KCNJ6: variants seen among roughly 807,000 people sequenced by gnomAD.
The protein encoded by KCNJ6 is G protein-activated inward rectifier potassium channel 2.
Under a neutral mutation model 34.2 loss-of-function variants are expected in KCNJ6, and 9 were observed. The ratio of observed to expected loss-of-function variants is 0.26; its 90% confidence interval spans 0.16 to 0.46. KCNJ6 has a LOEUF of 0.46. Among genes scored for constraint, KCNJ6 ranks in the 20% least tolerant of loss-of-function variants. The pLI is 1.00. For missense variants in KCNJ6, 236 were observed against 531.3 expected, an observed-to-expected ratio of 0.44 and a Z score of 5.46; for synonymous variants, 196 against 207.1, an observed-to-expected ratio of 0.95 and a Z score of 0.46.
intron 1 of KCNJ6, among the ~76,000 whole-genome samples, chr21:37,876,395 C>T (rs747343307): frequency 1.3e-5 from 2 of 152,158 alleles, no homozygotes; most frequent in African/African-American, 2.4e-5. Context: ...CTAGAGAAGC[C>T]GTCCTCAAAG....
intron 1 of KCNJ6, among the ~76,000 whole-genome samples, chr21:37,902,021 A>T (rs7280906): frequency 1.3e-5 from 2 of 152,228 alleles, no homozygotes; most frequent in African/African-American, 4.8e-5. Flanking sequence ...AATAGAGCTC[A>T]GTGTCTGTCA....
intron 2 of KCNJ6, among the ~76,000 whole-genome samples, chr21:37,828,778 C>T (rs950630409): frequency 2.0e-5 from 3 of 152,184 alleles, no homozygotes; most frequent in African/African-American, 4.8e-5. Flanking sequence ...TGAGGCTCAG[C>T]GCTTCCTAAA....
chr21:37,843,618 G>T (rs1422407567), intron 1 of KCNJ6, among the ~76,000 whole-genome samples: 1 of 152,158 alleles, frequency 6.6e-6, no homozygotes, highest in East Asian at 1.9e-4. Context: ...CAAATTTCCT[G>T]GTTGTTGGAT....
At chr21:37,743,059 C>T (rs986852480) in intron 2 of KCNJ6, among the ~76,000 whole-genome samples, 1 of 152,168 alleles carries the variant, frequency 6.6e-6, no homozygotes, top group Non-Finnish European at 1.5e-5. Context: ...CAGAGAGCTC[C>T]CAATATGTTT....
Position 37,735,757 on chromosome 21 carries a change from C to T in KCNJ6, c.26-20626G>A, listed in dbSNP as rs1287950299. Among the ~76,000 whole-genome samples, 6 of 152,192 alleles carry T rather than the reference C, an allele frequency of 3.9e-5. No homozygotes were observed. In the East Asian group the frequency reaches 5.8e-4, roughly 15 times the overall value. On this transcript the variant is annotated intron_variant, in intron 2 of 3. Transcript: ENST00000609713. ...CTCTGAATGAGGCCTGGAGCAGCCA[C>T]TTGGAGGATGCTGAAGGCACAGCTC...
chr21:37,761,674 T>C (rs1025086330), intron 2 of KCNJ6, among the ~76,000 whole-genome samples: 3 of 151,696 alleles, frequency 2.0e-5, no homozygotes, highest in Non-Finnish European at 4.4e-5. Context: ...ATGTAGTTTG[T>C]GTGTATATTT....
chr21:37,782,380 T>G (rs1016111314), intron 2 of KCNJ6, among the ~76,000 whole-genome samples: 1 of 152,198 alleles, frequency 6.6e-6, no homozygotes, highest in African/African-American at 2.4e-5. Flanking sequence ...AGGAAACTAA[T>G]GTACACACAT....
chr21:37,850,710 A>T (rs1184765030), intron 1 of KCNJ6, among the ~76,000 whole-genome samples: 1 of 152,078 alleles, frequency 6.6e-6, no homozygotes, highest in African/African-American at 2.4e-5. Flanking sequence ...CCCAGTGGTG[A>T]GTTTGGTATG....
intron 2 of KCNJ6, among the ~76,000 whole-genome samples, chr21:37,761,538 CGTGT>C (rs1307921033): frequency 2.2e-5 from 2 of 91,462 alleles, no homozygotes; most frequent in Admixed American, 1.1e-4. Context: ...TGGTGTGTGT[CGTGT>C]GTGTGGTATG....
At chr21:37,817,991 C>G (rs1415547935) in intron 2 of KCNJ6, among the ~76,000 whole-genome samples, 1 of 152,132 alleles carries the variant, frequency 6.6e-6, no homozygotes, top group Non-Finnish European at 1.5e-5. Context: ...TTCAGAAGCC[C>G]CATCTGCCTC....
intron 3 of KCNJ6, among the ~76,000 whole-genome samples, chr21:37,706,694 A>G (rs2054721488): frequency 6.6e-6 from 1 of 152,262 alleles, no homozygotes; most frequent in Non-Finnish European, 1.5e-5. Context: ...GTAAACAGAG[A>G]ATAATGAAAT....
chr21:37,761,496 GTGTA>G (rs981791859), intron 2 of KCNJ6, among the ~76,000 whole-genome samples: 16 of 145,178 alleles, frequency 1.1e-4, no homozygotes, highest in African/African-American at 4.2e-4. Flanking sequence ...TGTGTGTTGT[GTGTA>G]TGTAGTGCAT....
intron 2 of KCNJ6, among the ~76,000 whole-genome samples, chr21:37,745,577 C>T (rs1421473067): frequency 1.3e-5 from 2 of 152,202 alleles, no homozygotes; most frequent in Non-Finnish European, 2.9e-5. Flanking sequence ...CAGTGAGACT[C>T]CTGTTGGACT....
intron 2 of KCNJ6, among the ~76,000 whole-genome samples, chr21:37,786,458 G>A (rs530783069): frequency 6.6e-6 from 1 of 152,298 alleles, no homozygotes; most frequent in Admixed American, 6.5e-5. Flanking sequence ...GCTTAGAATG[G>A]AGAAGACTGT....
intron 2 of KCNJ6, among the ~76,000 whole-genome samples, chr21:37,753,216 G>C (rs916714923): frequency 2.0e-5 from 3 of 152,188 alleles, no homozygotes; most frequent in Non-Finnish European, 4.4e-5. Flanking sequence ...TGGATGCCTA[G>C]AGTGACCAGA....
At chr21:37,909,132 CAA>C (rs2055855352) in intron 1 of KCNJ6, among the ~76,000 whole-genome samples, 1 of 152,210 alleles carries the variant, frequency 6.6e-6, no homozygotes, top group Non-Finnish European at 1.5e-5. Flanking sequence ...CTAAAGATGA[CAA>C]AGTGTCCCTC....
At chr21:37,859,757 C>T (rs571945844) in intron 1 of KCNJ6, among the ~76,000 whole-genome samples, 5 of 151,598 alleles carry the variant, frequency 3.3e-5, no homozygotes, top group South Asian at 4.2e-4. Context: ...AAGAAGGTTA[C>T]AGTCAACTAA....
intron 2 of KCNJ6, among the ~76,000 whole-genome samples, chr21:37,771,430 G>A (rs771434155): frequency 6.6e-6 from 1 of 152,116 alleles, no homozygotes; most frequent in Non-Finnish European, 1.5e-5. Context: ...CTTATCCTAC[G>A]CATTTCAGAC....
At chr21:37,648,024 T>C (rs1049720794) in intron 3 of KCNJ6, among the ~76,000 whole-genome samples, 1 of 152,356 alleles carries the variant, frequency 6.6e-6, no homozygotes, top group Non-Finnish European at 1.5e-5. Context: ...GATCCGTGAC[T>C]GTTCTGAGGC....
Sources: allele counts gnomAD v4.1 joint callset (sites outside exome capture counted in the v4.1 genomes callset), GRCh38; gene constraint gnomAD v4.1.1; transcripts MANE v1.5; gene names NCBI Gene and HGNC (gene_info 2026-07-23, HGNC 2026-07-21).